Variants in LYPD6 observed in about 807,000 individuals in gnomAD.
The protein encoded by LYPD6 is ly6/PLAUR domain-containing protein 6.
Under a neutral mutation model 22.7 loss-of-function variants are expected in LYPD6, and 15 were observed. The ratio of observed to expected loss-of-function variants is 0.66; its 90% CI spans 0.44 to 1.02. The LOEUF is 1.02. Among genes scored for constraint, LYPD6 ranks in the 50% least tolerant of loss-of-function variants. The probability of loss-of-function intolerance (pLI) is 0.00; values close to 1 mark genes in which losing one functional copy is unlikely to be tolerated. For missense variants in LYPD6, 189 were observed against 208.4 expected (o/e 0.91, Z 0.57); for synonymous variants, 72 against 77.5 (o/e 0.93, Z 0.37).
chr2:149,451,115 G>A (rs988695259), intron 3 of LYPD6, among the ~76,000 whole-genome samples: 2 of 152,192 alleles, frequency 1.3e-5, no homozygotes, highest in African/African-American at 2.4e-5. Context: ...AGTTCTTGAG[G>A]CTGGGAAGTC....
chr2:149,421,384 C>G (rs987950749), intron 1 of LYPD6, among the ~76,000 whole-genome samples: 47 of 125,076 alleles, frequency 3.8e-4, no homozygotes, highest in African/African-American at 1.5e-3. Context: ...AGCAAGACTC[C>G]ATCTCAAAAA....
intron 1 of LYPD6, among the ~76,000 whole-genome samples, chr2:149,342,808 C>A (rs965022141): frequency 6.6e-6 from 1 of 152,184 alleles, no homozygotes; most frequent in Non-Finnish European, 1.5e-5. Flanking sequence ...GCCAGATCAG[C>A]ATCAGCTCCC....
intron 1 of LYPD6, among the ~76,000 whole-genome samples, chr2:149,336,732 AAC>A (rs1250691527): frequency 6.6e-6 from 1 of 152,178 alleles, no homozygotes; most frequent in Non-Finnish European, 1.5e-5. Flanking sequence ...TTCTAGATTA[AAC>A]ACATATTCTT....
intron 1 of LYPD6, among the ~76,000 whole-genome samples, chr2:149,331,849 C>A (rs1680944782): frequency 6.6e-6 from 1 of 152,170 alleles, no homozygotes; most frequent in Admixed American, 6.5e-5. Context: ...AATTGACTTG[C>A]GGTGACATAC....
chr2:149,411,565 G>A (rs2105122654), intron 1 of LYPD6, among the ~76,000 whole-genome samples: 1 of 152,208 alleles, frequency 6.6e-6, no homozygotes, highest in South Asian at 2.1e-4. Flanking sequence ...GCTAGTTAGT[G>A]GGTTGGCAGT....
intron 1 of LYPD6, among the ~76,000 whole-genome samples, chr2:149,398,745 A>G (rs2105106298): frequency 6.6e-6 from 1 of 152,306 alleles, no homozygotes; most frequent in African/African-American, 2.4e-5. Context: ...GGAAACCAAC[A>G]TAAGGGGACT....
chr2:149,482,495 G>A, the LYPD6 span, among the ~76,000 whole-genome samples: 102 of 152,310 alleles, frequency 6.7e-4, no homozygotes, highest in Middle Eastern at 6.8e-3. Flanking sequence ...CAGACCATCA[G>A]CTACAAAGCA....
At chr2:149,405,062 C>G (rs1321390587) in intron 1 of LYPD6, among the ~76,000 whole-genome samples, 2 of 152,280 alleles carry the variant, frequency 1.3e-5, no homozygotes, top group East Asian at 1.9e-4. Flanking sequence ...ATTGAACCAG[C>G]CTTGCATCCC....
chr2:149,383,586 T>A (rs1187305777), intron 1 of LYPD6, among the ~76,000 whole-genome samples: 1 of 151,954 alleles, frequency 6.6e-6, no homozygotes, highest in Middle Eastern at 3.2e-3. Context: ...GAAATGGGAG[T>A]GAGAGAAACA....
chr2:149,367,657 ATAGC>A (rs1298364082), intron 1 of LYPD6: 2 of 152,218 alleles, frequency 1.3e-5, no homozygotes, highest in Non-Finnish European at 2.9e-5. Flanking sequence ...TTGTGAGGTC[ATAGC>A]TAGCGCTTTG....
upstream of LYPD6, chr2:149,330,152 C>G (rs1393126869): frequency 6.6e-6 from 1 of 152,086 alleles, no homozygotes; most frequent in Non-Finnish European, 1.5e-5. Flanking sequence ...GCTGCTGGCC[C>G]GGCTGAGGCT....
At chr2:149,379,543 G>C (rs1682012521) in intron 1 of LYPD6, among the ~76,000 whole-genome samples, 1 of 152,184 alleles carries the variant, frequency 6.6e-6, no homozygotes, top group Non-Finnish European at 1.5e-5. Context: ...AATCAGCAGT[G>C]GAAGAATTTA....
intron 1 of LYPD6, among the ~76,000 whole-genome samples, chr2:149,379,518 A>G (rs1460978863): frequency 1.3e-5 from 2 of 152,240 alleles, no homozygotes; most frequent in Admixed American, 1.3e-4. Context: ...GTTAGTTCCT[A>G]TTAGATTCAA....
chr2:149,395,866 T>G (rs1224153388), intron 1 of LYPD6, among the ~76,000 whole-genome samples: 3 of 152,236 alleles, frequency 2.0e-5, no homozygotes, highest in African/African-American at 4.8e-5. Context: ...CCTATTGATG[T>G]AACCAACCAC....
At chr2:149,438,256 G>T (rs186958819) in intron 2 of LYPD6, among the ~76,000 whole-genome samples, 1 of 152,170 alleles carries the variant, frequency 6.6e-6, no homozygotes, top group Non-Finnish European at 1.5e-5. Flanking sequence ...CCAATGTCCT[G>T]TGCCTCCTTT....
intron 1 of LYPD6, among the ~76,000 whole-genome samples, chr2:149,401,757 G>C (rs920092059): frequency 6.6e-6 from 1 of 152,044 alleles, no homozygotes; most frequent in Non-Finnish European, 1.5e-5. Flanking sequence ...GGTGGTGTTT[G>C]GTTACATGAA....
intron 1 of LYPD6, among the ~76,000 whole-genome samples, chr2:149,343,300 A>G (rs554830851): frequency 6.6e-6 from 1 of 152,322 alleles, no homozygotes; most frequent in Non-Finnish European, 1.5e-5. Flanking sequence ...AGAACTTTTA[A>G]TAAAGAAAGT....
At chr2:149,336,868 T>G (rs1347300912) in intron 1 of LYPD6, among the ~76,000 whole-genome samples, 1 of 151,946 alleles carries the variant, frequency 6.6e-6, no homozygotes, top group African/African-American at 2.4e-5. Context: ...AGTTGAAAAT[T>G]TTTTTGCCTT....
At chr2:149,484,092 T>G in the LYPD6 span, among the ~76,000 whole-genome samples, 300 of 152,338 alleles carry the variant, frequency 2.0e-3, 2 homozygotes, top group African/African-American at 6.6e-3. Flanking sequence ...GTTAATAGAT[T>G]TGTGTATGGG....
Sources: gnomAD v4.1 joint callset for allele counts (sites outside exome capture counted in the v4.1 genomes callset) on GRCh38, gnomAD v4.1.1 for gene constraint, MANE v1.5 for transcripts, NCBI Gene and HGNC (gene_info 2026-07-23, HGNC 2026-07-21) for gene names.